FSTL4: variants seen among roughly 807,000 people sequenced by gnomAD.
The protein encoded by FSTL4 is follistatin-related protein 4.
FSTL4 carries 28 observed loss-of-function variants against 78.2 expected under a neutral mutation model. The observed-to-expected ratio is 0.36, with a 90% CI of 0.27 to 0.49. The LOEUF is 0.49. Ranked by LOEUF, FSTL4 falls within the 20% of genes least tolerant of loss-of-function variation. The pLI, the probability that FSTL4 is intolerant of heterozygous loss-of-function variation, is 0.98. For synonymous variants in FSTL4, 422 were observed against 440.5 expected (o/e 0.96, Z 0.53); for missense variants, 922 against 1,084.9 (o/e 0.85, Z 2.11).
intron 2 of FSTL4, among the ~76,000 whole-genome samples, chr5:133,572,648 C>T (rs370371696): frequency 2.4e-4 from 36 of 152,020 alleles, no homozygotes; most frequent in South Asian, 8.3e-4. Context: ...AAATACATTT[C>T]GGCTACTTAA....
At chr5:133,462,269 C>A (rs1757608262) in intron 3 of FSTL4, among the ~76,000 whole-genome samples, 1 of 152,232 alleles carries the variant, frequency 6.6e-6, no homozygotes, top group South Asian at 2.1e-4. Context: ...ACAGGCTTGG[C>A]ACTCATAGCC....
intron 3 of FSTL4, among the ~76,000 whole-genome samples, chr5:133,561,797 G>T (rs894657611): frequency 2.6e-5 from 4 of 152,176 alleles, no homozygotes; most frequent in African/African-American, 9.7e-5. Flanking sequence ...CACACTGTGA[G>T]TAAGCTGCCT....
At chr5:133,798,377 A>G in the FSTL4 span, among the ~76,000 whole-genome samples, 1 of 152,172 alleles carries the variant, frequency 6.6e-6, no homozygotes, top group Non-Finnish European at 1.5e-5. Flanking sequence ...TGTGATTCTC[A>G]GAGGGAGGTC....
chr5:133,326,056 T>G (rs1754204650), intron 4 of FSTL4, among the ~76,000 whole-genome samples: 1 of 152,256 alleles, frequency 6.6e-6, no homozygotes, highest in Non-Finnish European at 1.5e-5. Context: ...ATTTTGAAAC[T>G]GCTAAGCTGC....
chr5:133,659,827 A>G, the FSTL4 span, among the ~76,000 whole-genome samples: 1 of 152,150 alleles, frequency 6.6e-6, no homozygotes, highest in Non-Finnish European at 1.5e-5. Flanking sequence ...TTCTTAAGCT[A>G]TCAATATCTA....
intron 6 of FSTL4, among the ~76,000 whole-genome samples, chr5:133,305,024 G>A (rs190979033): frequency 6.6e-6 from 1 of 152,146 alleles, no homozygotes; most frequent in Non-Finnish European, 1.5e-5. Flanking sequence ...ATATAGCAAG[G>A]GAGAGCCAAA....
the FSTL4 span, among the ~76,000 whole-genome samples, chr5:133,736,638 C>G: frequency 6.6e-6 from 1 of 152,058 alleles, no homozygotes; most frequent in Non-Finnish European, 1.5e-5. Flanking sequence ...GGTCTGTGAA[C>G]CAGGGGTGCA....
At chr5:133,827,376 G>A in the FSTL4 span, among the ~76,000 whole-genome samples, 1 of 152,168 alleles carries the variant, frequency 6.6e-6, no homozygotes, top group Admixed American at 6.5e-5. Context: ...AGGGTGAGCT[G>A]GGAGGGCAGA....
At chr5:133,537,829 CAT>C in intron 3 of FSTL4, among the ~76,000 whole-genome samples, 1 of 151,746 alleles carries the variant, frequency 6.6e-6, no homozygotes, top group East Asian at 1.9e-4. Flanking sequence ...GAGACACACA[CAT>C]ATATAGTGTG....
intron 3 of FSTL4, among the ~76,000 whole-genome samples, chr5:133,470,394 C>T (rs1757795738): frequency 6.6e-6 from 1 of 152,222 alleles, no homozygotes; most frequent in South Asian, 2.1e-4. Context: ...CAGTCGGTTT[C>T]AACAAGATGC....
At chr5:133,439,716 T>C (rs114311442) in intron 3 of FSTL4, among the ~76,000 whole-genome samples, 1,838 of 152,190 alleles carry the variant, frequency 0.012, 32 homozygotes, top group African/African-American at 0.042. Flanking sequence ...AAAGAGAGGG[T>C]CATTCTCCAA....
the FSTL4 span, among the ~76,000 whole-genome samples, chr5:133,747,122 T>C: frequency 6.6e-6 from 1 of 152,174 alleles, no homozygotes; most frequent in African/African-American, 2.4e-5. Context: ...GTTGTTTCTA[T>C]TGCTGTAAGG....
chr5:133,271,457 C>T (rs1006151240), intron 6 of FSTL4, among the ~76,000 whole-genome samples: 4 of 152,280 alleles, frequency 2.6e-5, no homozygotes, highest in East Asian at 1.9e-4. Context: ...GGGAAGGCCA[C>T]GACACATACA....
At chr5:133,286,451 T>C (rs1040349262) in intron 6 of FSTL4, among the ~76,000 whole-genome samples, 10 of 152,204 alleles carry the variant, frequency 6.6e-5, no homozygotes, top group African/African-American at 2.4e-4. Flanking sequence ...CTTGTTTCTG[T>C]GGAGCACGTT....
rs773725108 is a variant in FSTL4, at chr5:133,210,314, T to C, written c.1609-16A>G. On this transcript the variant is annotated splice_polypyrimidine_tract_variant and intron_variant, in intron 13 of 15. Coordinates refer to ENST00000265342, the MANE Select transcript of FSTL4 (RefSeq NM_015082.2). ...CACCTATGGACTTGAAAAAAAATAG[T>C]GACATGTTGTGAAAGCTGACATGAT... The C allele has an allele frequency of 1.4e-6, 2 of 1,391,370 alleles. No homozygotes were observed. Among genetic ancestry groups the C allele is most frequent in the Non-Finnish European group, 2.0e-6 (2 of 977,320 alleles). The allele number at this position is 1,391,370 out of a possible 1,614,324, so 86.2% of individuals were successfully genotyped here.
intron 5 of FSTL4, among the ~76,000 whole-genome samples, chr5:133,313,520 A>G (rs1581611787): frequency 1.3e-5 from 2 of 152,026 alleles, no homozygotes; most frequent in South Asian, 2.1e-4. Flanking sequence ...AGGCACCCTC[A>G]CTCAGCTGGA....
chr5:133,678,706 G>A, the FSTL4 span, among the ~76,000 whole-genome samples: 2 of 152,102 alleles, frequency 1.3e-5, no homozygotes, highest in Admixed American at 6.5e-5. Flanking sequence ...AGTCGGGGAT[G>A]GAGTTACAAA....
intron 4 of FSTL4, among the ~76,000 whole-genome samples, chr5:133,331,268 T>A (rs1354465800): frequency 6.6e-6 from 1 of 152,214 alleles, no homozygotes; most frequent in African/African-American, 2.4e-5. Flanking sequence ...TAGCAGTTTC[T>A]GAGCGGGCGT....
At chr5:133,828,748 T>C in the FSTL4 span, among the ~76,000 whole-genome samples, 9 of 152,208 alleles carry the variant, frequency 5.9e-5, no homozygotes, top group Admixed American at 5.9e-4. Context: ...AAGTACAAAA[T>C]AGATTTCATA....
Sources: allele counts gnomAD v4.1 joint callset (sites outside exome capture counted in the v4.1 genomes callset), GRCh38; gene constraint gnomAD v4.1.1; transcripts MANE v1.5; gene names NCBI Gene and HGNC (gene_info 2026-07-23, HGNC 2026-07-21).